SP5: variants seen among roughly 807,000 people sequenced by gnomAD.
SP5 encodes Sp5 transcription factor.
In SP5, 12 loss-of-function variants were observed where a neutral mutation model predicts 27.4. That is an observed-to-expected ratio of 0.44 (90% CI 0.28 to 0.71). The LOEUF (loss-of-function observed/expected upper bound fraction) is 0.71. Among genes scored for constraint, SP5 ranks in the 30% least tolerant of loss-of-function variants. The pLI, the probability that SP5 is intolerant of heterozygous loss-of-function variation, is 0.15. For missense variants in SP5, 660 were observed against 589.8 expected, an observed-to-expected ratio of 1.12 and a Z score of -1.23; for synonymous variants, 330 against 290.7, an observed-to-expected ratio of 1.14 and a Z score of -1.38.
chr2:170,715,606 G>T, intron 1 of SP5, 43 bp downstream of exon 1: 2 of 1,535,362 alleles, frequency 1.3e-6, no homozygotes, highest in Non-Finnish European at 1.8e-6. Context: ...GGTGGAAAGG[G>T]CCGTGTCCGG....
At position 170,716,655 on chromosome 2, in the gene SP5, G is replaced by C. The variant is rs751861936; in HGVS notation, c.448G>C (p.Ala150Pro). The part of the protein sequence containing the change: ...ASCAPAYVPY[A>P]AQAALPPGYS... ...CTGCGCGCCCGCCTACGTGCCCTAC[G>C]CGGCGCAGGCCGCGCTGCCGCCAGG... The change falls in exon 2 of 2, where the codon GCG becomes CCG. Residue 150 changes from alanine to proline, a missense_variant. Ala to Pro is a conservative substitution (Grantham distance 27). Coordinates refer to ENST00000375281, the MANE Select transcript of SP5 (RefSeq NM_001003845.3). 1 of 1,602,460 alleles carries C rather than the reference G, an allele frequency of 6.2e-7. No homozygotes were observed. The highest frequency in any genetic ancestry group is 8.5e-7 in the Non-Finnish European group (1 of 1,176,596).
rs1412305160 is a variant in SP5, at chr2:170,716,553, C to T, written c.346C>T (p.Pro116Ser). 6.2e-7 allele frequency: 1 copy of T among 1,610,944 alleles called. No homozygotes were observed. The highest frequency in any genetic ancestry group is 8.5e-7 in the Non-Finnish European group (1 of 1,179,134). Residue 116 changes from proline (P) to serine (S), a missense_variant, in exon 2 of 2, where the codon CCC becomes TCC. Transcript: ENST00000375281. ...TGCGCACGAGCTTCCCCTTACACCC[C>T]CCGCCGACCCCTCGTACCCCTACGA... ...GAAHELPLTP[P>S]ADPSYPYEFS... is the part of the protein sequence containing the mutation.
intron 1 of SP5, 119 bp from the exon 2 acceptor site, chr2:170,716,140 G>C: frequency 7.1e-7 from 1 of 1,411,358 alleles, no homozygotes; most frequent in Non-Finnish European, 9.2e-7. Flanking sequence ...GGGAGGGACG[G>C]CCGGGACGGA....
chr2:170,717,416 G>C lies in SP5; in HGVS notation c.*12G>C. Reference sequence around the variant, plus strand: ...CGCGGGACCTGTGAGCCCTCCCGGAGGTGGACCCCCTTCCCAGCACCTCTG... The same window carrying C: ...CGCGGGACCTGTGAGCCCTCCCGGACGTGGACCCCCTTCCCAGCACCTCTG... On this transcript the variant is annotated 3_prime_UTR_variant, in exon 2 of 2. Transcript: ENST00000375281. The C allele has an allele frequency of 6.2e-7, 1 of 1,609,066 alleles. No homozygotes were observed. The highest frequency in any genetic ancestry group is 1.7e-5 in the Admixed American group (1 of 59,932).
In SP5 at chr2:170,717,286, A is replaced by C. The variant is rs138180926; in HGVS notation, c.1079A>C (p.Glu360Ala). 3 of 1,610,120 alleles carry C rather than the reference A, an allele frequency of 1.9e-6. No homozygotes were observed. Among genetic ancestry groups the C allele is most frequent in the African/African-American group, 1.3e-5 (1 of 75,060 alleles). ...GGCGAGAAGCGCTTTGCCTGTCCCG[A>C]GTGCGGCAAGCGCTTCATGCGCAGC... is the stretch of plus-strand genomic sequence containing the variant. ...HTGEKRFACP[E>A]CGKRFMRSDH... Residue 360 changes from glutamate (E) to alanine (A), a missense_variant, in exon 2 of 2, where the codon GAG becomes GCG. Coordinates refer to ENST00000375281, the MANE Select transcript of SP5 (RefSeq NM_001003845.3).
chr2:170,715,600 G>GA, intron 1 of SP5, 37 bp downstream of exon 1: 1 of 1,539,314 alleles, frequency 6.5e-7, no homozygotes, highest in Non-Finnish European at 8.8e-7. Context: ...GAGAAAGGTG[G>GA]AAAGGGCCGT....
At position 170,717,712 on chromosome 2, in the gene SP5, C is replaced by T; in HGVS notation, c.*308C>T. The T allele has an allele frequency of 2.1e-6, 1 of 472,462 alleles. No individual in the cohort carries two copies. The highest frequency in any genetic ancestry group is 3.8e-6 in the Non-Finnish European group (1 of 262,130). The allele number at this position is 472,462 out of a possible 1,614,324, so 29.3% of individuals were successfully genotyped here. ...GTTTCGGGGGACCACCCTGGTCTGGCCTTGTATATAGGAAATGCTGCTGAA... is the reference window on the plus strand; with the variant it reads ...GTTTCGGGGGACCACCCTGGTCTGGTCTTGTATATAGGAAATGCTGCTGAA... On this transcript the variant is annotated 3_prime_UTR_variant, in exon 2 of 2. Coordinates refer to ENST00000375281, the MANE Select transcript of SP5 (RefSeq NM_001003845.3).
Position 170,717,583 on chromosome 2 carries a change from G to A in SP5, c.*179G>A, listed in dbSNP as rs1700098481. ...TAGGGACCCAGTTCCCAGGAGCGGGGAGGTAGGGTTGGGGCTGGGGCATTT... is the reference window on the plus strand; with the variant it reads ...TAGGGACCCAGTTCCCAGGAGCGGGAAGGTAGGGTTGGGGCTGGGGCATTT... On this transcript the variant is annotated 3_prime_UTR_variant, in exon 2 of 2. Coordinates refer to ENST00000375281, the MANE Select transcript of SP5 (RefSeq NM_001003845.3). The A allele has an allele frequency of 1.2e-6, 1 of 847,286 alleles. No individual in the cohort carries two copies. Among genetic ancestry groups the A allele is most frequent in the South Asian group, 1.8e-5 (1 of 56,006 alleles). 52.5% of individuals were successfully genotyped at this position (847,286 alleles called of 1,614,324 possible).
At position 170,717,025 on chromosome 2, in the gene SP5, G is replaced by A; in HGVS notation, c.818G>A (p.Arg273His). ...GCGGCCACGGCCAGGAGGTGCCGCCGCTGCCGCTGTCCCAACTGCCAGGCG... is the reference window on the plus strand; with the variant it reads ...GCGGCCACGGCCAGGAGGTGCCGCCACTGCCGCTGTCCCAACTGCCAGGCG... ...PLAATARRCR[R>H]CRCPNCQAAG... The change falls in exon 2 of 2, where the codon CGC (arginine) becomes CAC (histidine). Residue 273 changes from arginine (R) to histidine (H), a missense_variant. Coordinates refer to ENST00000375281, the MANE Select transcript of SP5 (RefSeq NM_001003845.3). 1 of 1,547,302 alleles carries A rather than the reference G, an allele frequency of 6.5e-7. No individual in the cohort carries two copies.
chr2:170,716,699 TCCGCCGCCG>T lies in SP5; in HGVS notation c.495_503del (p.Pro171_Pro173del), dbSNP rs927702206. 24 of 1,521,352 alleles carry T rather than the reference TCCGCCGCCG, an allele frequency of 1.6e-5. No individual in the cohort carries two copies. The highest frequency in any genetic ancestry group is 1.9e-5 in the Non-Finnish European group (22 of 1,143,784). 94.2% of individuals were successfully genotyped at this position (1,521,352 alleles called of 1,614,324 possible). On this transcript the variant is annotated inframe_deletion, in exon 2 of 2. Transcript: ENST00000375281. ...CGCCAGGCTACTCCAACCTGCTGCC[TCCGCCGCCG>T]CCACCGCCCCCGCCGCCCACCTGCC...
chr2:170,716,237 C>T (rs1700063020), intron 1 of SP5, 22 bp from the exon 2 acceptor site: 1 of 1,576,324 alleles, frequency 6.3e-7, no homozygotes, highest in African/African-American at 1.4e-5. Flanking sequence ...CTCTTCTCCG[C>T]CCTCCCTCGC....
rs1184146821 is a variant in SP5, at chr2:170,716,531, G to T, written c.324G>T (p.Ala108=). 6.8e-6 allele frequency: 11 copies of T among 1,611,010 alleles called. No homozygotes were observed. The highest frequency in any genetic ancestry group is 1.3e-5 in the African/African-American group (1 of 74,832). The change falls in exon 2 of 2, where the codon GCG becomes GCT. Residue 108 remains alanine, a synonymous_variant. Transcript: ENST00000375281. The part of the protein sequence containing the change: ...KTHLQPSFGA[A]HELPLTPPAD... ...ACCTGCAGCCGTCCTTCGGGGCTGC[G>T]CACGAGCTTCCCCTTACACCCCCCG...
Position 170,717,421 on chromosome 2 carries a change from A to AC in SP5, c.*22dup, listed in dbSNP as rs763469321. ...GACCTGTGAGCCCTCCCGGAGGTGG[A>AC]CCCCCTTCCCAGCACCTCTGCGAGA... On this transcript the variant is annotated 3_prime_UTR_variant, in exon 2 of 2. Coordinates refer to ENST00000375281, the MANE Select transcript of SP5 (RefSeq NM_001003845.3). 1.9e-6 allele frequency: 3 copies of AC among 1,607,904 alleles called. No homozygotes were observed. The highest frequency in any genetic ancestry group is 2.2e-5 in the East Asian group (1 of 44,772).
rs1433943597 is a variant in SP5, at chr2:170,717,422, C to T, written c.*18C>T. The T allele has an allele frequency of 6.2e-7, 1 of 1,607,858 alleles. No individual in the cohort carries two copies. Among genetic ancestry groups the T allele is most frequent in the Non-Finnish European group, 8.5e-7 (1 of 1,179,386 alleles). On this transcript the variant is annotated 3_prime_UTR_variant, in exon 2 of 2. Transcript: ENST00000375281. ...ACCTGTGAGCCCTCCCGGAGGTGGA[C>T]CCCCTTCCCAGCACCTCTGCGAGAG...
chr2:170,717,024 C>T lies in SP5; in HGVS notation c.817C>T (p.Arg273Cys). 2 of 1,547,322 alleles carry T rather than the reference C, an allele frequency of 1.3e-6. No individual in the cohort carries two copies. The highest frequency in any genetic ancestry group is 1.7e-6 in the Non-Finnish European group (2 of 1,146,168). Residue 273 changes from arginine to cysteine, a missense_variant, in exon 2 of 2, where the codon CGC (arginine) becomes TGC (cysteine). By Grantham distance (180) the Arg-to-Cys change is radical. Transcript: ENST00000375281. ...PLAATARRCR[R>C]CRCPNCQAAG... ...GGCGGCCACGGCCAGGAGGTGCCGC[C>T]GCTGCCGCTGTCCCAACTGCCAGGC...
rs764669046 is a variant in SP5, at chr2:170,717,609, G to C, written c.*205G>C. The C allele has an allele frequency of 1.3e-4, 92 of 694,248 alleles. No homozygotes were observed. The highest frequency in any genetic ancestry group is 1.0e-3 in the Admixed American group (34 of 33,888). 43.0% of individuals were successfully genotyped at this position (694,248 alleles called of 1,614,324 possible). A position where few individuals can be genotyped will look rare whatever the true frequency, so the allele number is the denominator to read the frequency against. ...AGGTAGGGTTGGGGCTGGGGCATTT[G>C]GATTGTAATTGGGAGCTCTGCCGTA... On this transcript the variant is annotated 3_prime_UTR_variant, in exon 2 of 2. Coordinates refer to ENST00000375281, the MANE Select transcript of SP5 (RefSeq NM_001003845.3).
chr2:170,715,692 G>A, intron 1 of SP5, 129 bp downstream of exon 1: 1 of 1,427,076 alleles, frequency 7.0e-7, no homozygotes, highest in Non-Finnish European at 9.2e-7. Context: ...CCAGGCCTAG[G>A]GGTGCCCACG....
In SP5 at chr2:170,717,403, G is replaced by A. The variant is rs748701511; in HGVS notation, c.1196G>A (p.Ter399=). ...GVKREDARDL[*] is the part of the protein sequence containing the mutation. ...AAGCGGGAGGACGCGCGGGACCTGTGAGCCCTCCCGGAGGTGGACCCCCTT... is the reference window on the plus strand; with the variant it reads ...AAGCGGGAGGACGCGCGGGACCTGTAAGCCCTCCCGGAGGTGGACCCCCTT... The change falls in exon 2 of 2, where the codon TGA becomes TAA. Residue 399 remains the stop codon, a stop_retained_variant. Coordinates refer to ENST00000375281, the MANE Select transcript of SP5 (RefSeq NM_001003845.3). 3.7e-6 allele frequency: 6 copies of A among 1,610,280 alleles called. No individual in the cohort carries two copies. The highest frequency in any genetic ancestry group is 2.2e-5 in the South Asian group (2 of 90,996).
chr2:170,715,620 T>C, intron 1 of SP5, 57 bp downstream of exon 1: 1 of 1,529,152 alleles, frequency 6.5e-7, no homozygotes, highest in Non-Finnish European at 8.8e-7. Context: ...TGTCCGGATC[T>C]CTCCTGGTAC....
Sources: allele counts gnomAD v4.1 joint callset, GRCh38; gene constraint gnomAD v4.1.1; transcripts MANE v1.5; gene names NCBI Gene and HGNC (gene_info 2026-07-23, HGNC 2026-07-21).